The following NEK10 variants were observed in gnomAD, a reference collection of about 807,000 sequenced individuals.
NEK10 encodes NIMA related kinase 10.
In NEK10, 122 loss-of-function variants were observed where a neutral mutation model predicts 159.8. The ratio of observed to expected loss-of-function variants is 0.76; its 90% CI spans 0.66 to 0.89. The LOEUF (loss-of-function observed/expected upper bound fraction) is 0.89, where lower values mean the gene tolerates loss of function less well. NEK10 is among the 40% of genes least tolerant of loss of function. The pLI is 0.00. For missense variants in NEK10, 1,342 were observed against 1,323.1 expected, an observed-to-expected ratio of 1.01 and a Z score of -0.22; for synonymous variants, 466 against 457.1, an observed-to-expected ratio of 1.02 and a Z score of -0.25.
chr3:27,310,872 G>T, intron 9 of NEK10, 77 bp downstream of exon 9: 1 of 868,416 alleles, frequency 1.2e-6, no homozygotes. Context: ...TGACTTAACC[G>T]CAAAGGCTCT....
chr3:27,271,720 C>T (rs1215680170), intron 22 of NEK10, among the ~76,000 whole-genome samples: 3 of 152,198 alleles, frequency 2.0e-5, no homozygotes, highest in African/African-American at 7.2e-5. Context: ...TTCTATTACT[C>T]TTTCCTCATT....
intron 23 of NEK10, among the ~76,000 whole-genome samples, chr3:27,245,627 C>T (rs113230335): frequency 6.1e-4 from 93 of 152,290 alleles, no homozygotes; most frequent in African/African-American, 2.1e-3. Context: ...GGGGAACCAA[C>T]AGAGGAATGA....
At chr3:27,237,224 TC>T (rs1302939402) in intron 23 of NEK10, among the ~76,000 whole-genome samples, 1 of 152,306 alleles carries the variant, frequency 6.6e-6, no homozygotes, top group Non-Finnish European at 1.5e-5. Context: ...TGTATTCATT[TC>T]CAAGGTGCAC....
chr3:27,183,753 A>G (rs939017636), intron 26 of NEK10, among the ~76,000 whole-genome samples: 6 of 152,290 alleles, frequency 3.9e-5, no homozygotes, highest in African/African-American at 1.4e-4. Flanking sequence ...AAGTAATCCA[A>G]TAAAATCACA....
chr3:27,320,971 T>G (rs562424837), intron 6 of NEK10, among the ~76,000 whole-genome samples: 118 of 152,062 alleles, frequency 7.8e-4, no homozygotes, highest in African/African-American at 2.3e-3. Context: ...AAAGAAAAAA[T>G]AAGATAGCTC....
intron 1 of NEK10, among the ~76,000 whole-genome samples, chr3:27,364,348 T>TTGTGTTTGTGTG (rs2048898153): frequency 8.3e-6 from 1 of 120,568 alleles, no homozygotes; most frequent in Non-Finnish European, 1.7e-5. Context: ...GCCTGGCTAA[T>TTGTGTTTGTGTG]TGTGTGTGTG....
chr3:27,170,452 C>A (rs1329365794), intron 29 of NEK10, among the ~76,000 whole-genome samples: 2 of 152,200 alleles, frequency 1.3e-5, no homozygotes, highest in Non-Finnish European at 2.9e-5. Context: ...TAGAAACTGG[C>A]TGGGCACAGT....
In NEK10 at chr3:27,314,764, G is replaced by A. The variant is rs766617653; in HGVS notation, c.448-426C>T. Among the ~76,000 whole-genome samples the A allele has an allele frequency of 3.9e-5, 6 of 152,200 alleles. No homozygotes were observed. In the East Asian group the frequency reaches 5.8e-4, roughly 15 times the overall value. ...CATCACCAAACTCCAAGAACCCTCC[G>A]CTAGGTCTCTGCCTAGTGTCCATGA... On this transcript the variant is annotated intron_variant, in intron 6 of 35. Transcript: ENST00000691995.
chr3:27,355,803 G>T (rs1484831544), intron 1 of NEK10, among the ~76,000 whole-genome samples: 1 of 152,026 alleles, frequency 6.6e-6, no homozygotes, highest in Non-Finnish European at 1.5e-5. Flanking sequence ...GACTTTCACT[G>T]CTCTGAGCTT....
chr3:27,200,111 A>C (rs2149028888), intron 25 of NEK10, among the ~76,000 whole-genome samples: 1 of 152,286 alleles, frequency 6.6e-6, no homozygotes, highest in South Asian at 2.1e-4. Context: ...TGAACTTAAA[A>C]ATTTTAAAAA....
chr3:27,322,146 T>TAA (rs11393122), intron 6 of NEK10, 31 bp downstream of exon 6: 17,181 of 975,686 alleles, frequency 0.018, 6 homozygotes, highest in African/African-American at 0.029. Context: ...TTATAACAAG[T>TAA]AAAAAAAAAA....
At chr3:27,343,011 C>T (rs1047835398) in intron 5 of NEK10, among the ~76,000 whole-genome samples, 4 of 152,044 alleles carry the variant, frequency 2.6e-5, no homozygotes, top group Non-Finnish European at 5.9e-5. Flanking sequence ...ATTACATAAC[C>T]TTGGTAAAGA....
At chr3:27,293,396 T>C (rs1347500876) in intron 16 of NEK10, among the ~76,000 whole-genome samples, 192 bp downstream of exon 16, 1 of 152,236 alleles carries the variant, frequency 6.6e-6, no homozygotes, top group Non-Finnish European at 1.5e-5. Context: ...ATTCTGTTAA[T>C]ATTCAGTGTG....
Position 27,285,626 on chromosome 3 carries a change from G to A in NEK10, c.1790-665C>T, listed in dbSNP as rs187571604. On this transcript the variant is annotated intron_variant, in intron 20 of 35. Transcript: ENST00000691995. Reference sequence around the variant, plus strand: ...CATGACTGATTGTGTTTGTCTTTTTGCTTTGGATGCCAAAAAACAAAGGAG... The same window carrying A: ...CATGACTGATTGTGTTTGTCTTTTTACTTTGGATGCCAAAAAACAAAGGAG... Among the ~76,000 whole-genome samples, 42 of 151,508 alleles carry A rather than the reference G, an allele frequency of 2.8e-4. No individual in the cohort carries two copies. The East Asian group carries it at 3.9e-3, about 14-fold the overall frequency.
intron 23 of NEK10, among the ~76,000 whole-genome samples, chr3:27,240,654 C>T (rs1343231793): frequency 2.8e-5 from 4 of 141,476 alleles, no homozygotes; most frequent in Non-Finnish European, 4.6e-5. Flanking sequence ...ACTATCTCAT[C>T]TTTTTTTTTT....
intron 26 of NEK10, 83 bp downstream of exon 26, chr3:27,191,946 T>A: frequency 8.4e-7 from 1 of 1,185,458 alleles, no homozygotes; most frequent in Non-Finnish European, 1.2e-6. Context: ...TAACTTTTGA[T>A]GAATGTTCCT....
intron 32 of NEK10, among the ~76,000 whole-genome samples, chr3:27,128,164 G>A (rs1431107396): frequency 2.6e-5 from 4 of 152,204 alleles, no homozygotes; most frequent in Non-Finnish European, 5.9e-5. Flanking sequence ...AGCAGCCATA[G>A]ACAGTATTAA....
intron 23 of NEK10, among the ~76,000 whole-genome samples, chr3:27,228,499 C>T (rs189894772): frequency 3.7e-4 from 56 of 152,166 alleles, no homozygotes; most frequent in African/African-American, 1.1e-3. Context: ...GCAATTAGCA[C>T]ATTCTGCTTA....
chr3:27,208,940 C>G (rs1244059900), intron 23 of NEK10, among the ~76,000 whole-genome samples: 1 of 152,198 alleles, frequency 6.6e-6, no homozygotes, highest in East Asian at 1.9e-4. Flanking sequence ...ACAGCTCTAA[C>G]TTTTCTGAAC....
Sources: gnomAD v4.1 joint callset for allele counts (sites outside exome capture counted in the v4.1 genomes callset) on GRCh38, gnomAD v4.1.1 for gene constraint, MANE v1.5 for transcripts, NCBI Gene and HGNC (gene_info 2026-07-23, HGNC 2026-07-21) for gene names.